The following INSIG1 variants were observed in gnomAD, a reference collection of about 807,000 sequenced individuals.
INSIG1 encodes insulin induced gene 1.
Under a neutral mutation model 26.5 loss-of-function variants are expected in INSIG1, and 14 were observed. The ratio of observed to expected loss-of-function variants is 0.53; its 90% CI spans 0.35 to 0.83. The LOEUF (loss-of-function observed/expected upper bound fraction) is 0.83, where lower values mean the gene tolerates loss of function less well. INSIG1 is among the 40% of genes least tolerant of loss of function. INSIG1 has a pLI of 0.01. For synonymous variants in INSIG1, 147 were observed against 153.3 expected, an observed-to-expected ratio of 0.96 and a Z score of 0.30; for missense variants, 272 against 368.9, an observed-to-expected ratio of 0.74 and a Z score of 2.15.
intron 1 of INSIG1, 44 bp from the exon 2 acceptor site, chr7:155,298,215 C>T (rs1394050889): frequency 1.7e-5 from 23 of 1,371,112 alleles, no homozygotes; most frequent in Admixed American, 1.1e-4. Context: ...GCCTTCCTCG[C>T]TCTTTGTCTC....
At chr7:155,306,343 A>C (rs552819032) in intron 5 of INSIG1, among the ~76,000 whole-genome samples, 4 of 152,244 alleles carry the variant, frequency 2.6e-5, no homozygotes, top group Admixed American at 2.6e-4. Context: ...ACCATCATTT[A>C]TAGAACTTGT....
At chr7:155,305,476 T>G (rs1183470335) in intron 5 of INSIG1, among the ~76,000 whole-genome samples, 1 of 152,156 alleles carries the variant, frequency 6.6e-6, no homozygotes, top group South Asian at 2.1e-4. Context: ...TTCCCCACAT[T>G]CCACTCTTGT....
In INSIG1 at chr7:155,308,457, A is replaced by T. The variant is rs1260178265; in HGVS notation, c.*187A>T. ...GGTGGAGAATGATGACTTACCCTGA[A>T]GTCTTCCCTTGACTGCCCGCACTGG... On this transcript the variant is annotated 3_prime_UTR_variant, in exon 6 of 6. Coordinates refer to ENST00000340368, the MANE Select transcript of INSIG1 (RefSeq NM_005542.6). 6 of 730,402 alleles carry T rather than the reference A, an allele frequency of 8.2e-6. No homozygotes were observed. Among genetic ancestry groups the T allele is most frequent in the Non-Finnish European group, 1.4e-5 (6 of 415,268 alleles). 45.2% of individuals were successfully genotyped at this position (730,402 alleles called of 1,614,324 possible).
chr7:155,308,494 G>T lies in INSIG1; in HGVS notation c.*224G>T. 1 of 602,780 alleles carries T rather than the reference G, an allele frequency of 1.7e-6. No homozygotes were observed. The highest frequency in any genetic ancestry group is 2.1e-5 in the South Asian group (1 of 48,742). 37.3% of individuals were successfully genotyped at this position (602,780 alleles called of 1,614,324 possible). On this transcript the variant is annotated 3_prime_UTR_variant, in exon 6 of 6. Transcript: ENST00000340368. Reference sequence around the variant, plus strand: ...ACTGCCCGCACTGGCGCCTGTCTGTGCCCTGGAGCATTCTGCCCAGGCTAC... The same window carrying T: ...ACTGCCCGCACTGGCGCCTGTCTGTTCCCTGGAGCATTCTGCCCAGGCTAC...
rs1182629652 is a variant in INSIG1 at position 155,298,659 on chromosome 7, C to T, written c.374C>T (p.Ser125Phe). The T allele has an allele frequency of 6.2e-7, 1 of 1,612,758 alleles. No individual in the cohort carries two copies. The highest frequency in any genetic ancestry group is 8.5e-7 in the Non-Finnish European group (1 of 1,179,950). ...GAGGTGATCGCCACCATCTTTTCCT[C>T]CGCCTGGTGGGTCCCTCCCTGCTGC... ...PEEVIATIFS[S>F]AWWVPPCCGT... Residue 125 changes from serine (S) to phenylalanine (F), a missense_variant, in exon 2 of 6, where the codon TCC becomes TTC. Physicochemically the swap from Ser to Phe is radical, Grantham distance 155. This residue lies in a region of INSIG1 where 161 missense variants were observed against 179.2 expected (regional missense o/e 0.90). Coordinates refer to ENST00000340368, the MANE Select transcript of INSIG1 (RefSeq NM_005542.6).
intron 5 of INSIG1, chr7:155,303,976 CTTTTT>C (rs11385167): frequency 0.035 from 9,222 of 261,184 alleles, 5 homozygotes; most frequent in South Asian, 0.052. Flanking sequence ...CTTTGCTTGC[CTTTTT>C]TTTTTTTTTT....
At position 155,298,612 on chromosome 7, in the gene INSIG1, G is replaced by A. The variant is rs769631428; in HGVS notation, c.327G>A (p.Arg109=). The change falls in exon 2 of 6, where the codon AGG becomes AGA. Residue 109 remains arginine, a synonymous_variant. Transcript: ENST00000340368. ...ALVLNLLQIQ[R]NVTLFPEEVI... Reference sequence around the variant, plus strand: ...TGCTCAACCTGCTGCAGATCCAGAGGAATGTCACTCTCTTCCCCGAGGAGG... The same window carrying A: ...TGCTCAACCTGCTGCAGATCCAGAGAAATGTCACTCTCTTCCCCGAGGAGG... 3 of 1,613,430 alleles carry A rather than the reference G, an allele frequency of 1.9e-6. No individual in the cohort carries two copies. Among genetic ancestry groups the A allele is most frequent in the Non-Finnish European group, 2.5e-6 (3 of 1,179,920 alleles).
rs1797701440 is a variant in INSIG1, at chr7:155,298,670, G to T, written c.385G>T (p.Val129Phe). Residue 129 changes from valine to phenylalanine, a missense_variant, in exon 2 of 6, where the codon GTC (valine) becomes TTC (phenylalanine). Val to Phe is a conservative substitution (Grantham distance 50). Coordinates refer to ENST00000340368, the MANE Select transcript of INSIG1 (RefSeq NM_005542.6). ...IATIFSSAWW[V>F]PPCCGTAAAV... ...CACCATCTTTTCCTCCGCCTGGTGG[G>T]TCCCTCCCTGCTGCGGGACAGCAGC... The T allele has an allele frequency of 1.9e-6, 3 of 1,611,938 alleles. No individual in the cohort carries two copies. Among genetic ancestry groups the T allele is most frequent in the African/African-American group, 1.3e-5 (1 of 74,954 alleles).
At chr7:155,303,664 G>A (rs948530714) in intron 5 of INSIG1, among the ~76,000 whole-genome samples, 1 of 151,876 alleles carries the variant, frequency 6.6e-6, no homozygotes, top group African/African-American at 2.4e-5. Flanking sequence ...ACATAGAGGT[G>A]GACTTTTAAA....
At position 155,308,614 on chromosome 7, in the gene INSIG1, A is replaced by G. The variant is rs888935054; in HGVS notation, c.*344A>G. On this transcript the variant is annotated 3_prime_UTR_variant, in exon 6 of 6. Coordinates refer to ENST00000340368, the MANE Select transcript of INSIG1 (RefSeq NM_005542.6). ...TTTCAAAGCCTTGAACTAAGACTCAATTACCAACCCGCAGTTTTGTGTCAG... is the reference window on the plus strand; with the variant it reads ...TTTCAAAGCCTTGAACTAAGACTCAGTTACCAACCCGCAGTTTTGTGTCAG... The G allele has an allele frequency of 1.2e-5, 3 of 259,080 alleles. No homozygotes were observed. Among genetic ancestry groups the G allele is most frequent in the East Asian group, 6.8e-5 (1 of 14,710 alleles). 16.0% of individuals were successfully genotyped at this position (259,080 alleles called of 1,614,324 possible).
intron 2 of INSIG1, among the ~76,000 whole-genome samples, chr7:155,300,848 CTCT>C (rs1417218495): frequency 8.5e-5 from 13 of 152,288 alleles, no homozygotes; most frequent in African/African-American, 2.6e-4. Flanking sequence ...GCTGAGTTTT[CTCT>C]TCTTGGTCTG....
rs2150897864 is a variant in INSIG1, at chr7:155,302,797, T to C, written c.755T>C (p.Phe252Ser). ...ATTCGTTCTTGGCTCCCTTGTATAT[T>C]TTTCTCAGGAGGCGTCACGGTGGGG... is the stretch of plus-strand genomic sequence containing the variant. ...LYIRSWLPCI[F>S]FSGGVTVGNI... is the part of the protein sequence containing the mutation. The change falls in exon 5 of 6, where the codon TTT (phenylalanine) becomes TCT (serine). Residue 252 changes from phenylalanine to serine, a missense_variant. By Grantham distance (155) the Phe-to-Ser change is radical. This residue lies in a region of INSIG1 where 111 missense variants were observed against 189.8 expected (regional missense o/e 0.58). Transcript: ENST00000340368. This position sits in a 1 kb window ranked among gnomAD's most constrained non-coding sequence, Gnocchi z 4.3. 2 of 1,613,122 alleles carry C rather than the reference T, an allele frequency of 1.2e-6. No individual in the cohort carries two copies. The highest frequency in any genetic ancestry group is 1.6e-4 in the Middle Eastern group (1 of 6,062).
At chr7:155,300,585 A>T (rs1585201861) in intron 2 of INSIG1, among the ~76,000 whole-genome samples, 1 of 151,728 alleles carries the variant, frequency 6.6e-6, no homozygotes, top group East Asian at 1.9e-4. Context: ...CCAGCATCCA[A>T]CCCCACGGGC....
At position 155,297,964 on chromosome 7, in the gene INSIG1, G is replaced by T; in HGVS notation, c.-28+5G>T. ...GGGCGGGCGCCTCTCGGCCAGGTAC[G>T]CGGCCGGCTGGGATAGGGGTCGCGG... On this transcript the variant is annotated splice_donor_5th_base_variant and intron_variant, in intron 1 of 5. Coordinates refer to ENST00000340368, the MANE Select transcript of INSIG1 (RefSeq NM_005542.6). 4.5e-6 allele frequency: 1 copy of T among 224,352 alleles called. No homozygotes were observed. The highest frequency in any genetic ancestry group is 8.7e-5 in the East Asian group (1 of 11,522). The allele number at this position is 224,352 out of a possible 1,614,324, so 13.9% of individuals were successfully genotyped here.
intron 5 of INSIG1, chr7:155,303,072 C>G: frequency 2.5e-6 from 1 of 404,224 alleles, no homozygotes; most frequent in Non-Finnish European, 4.6e-6. Context: ...CTAGAGCCCT[C>G]GCACTGCCCC....
At position 155,298,294 on chromosome 7, in the gene INSIG1, A is replaced by G. The variant is rs1797678688; in HGVS notation, c.9A>G (p.Arg3=). ...TTGGACGCGTGTGACCGATGCCCAG[A>G]TTGCACGACCACTTCTGGAGCTGCT... MP[R]LHDHFWSCSC... Residue 3 remains arginine, a synonymous_variant, in exon 2 of 6, where the codon AGA becomes AGG. Coordinates refer to ENST00000340368, the MANE Select transcript of INSIG1 (RefSeq NM_005542.6). 1 of 1,487,314 alleles carries G rather than the reference A, an allele frequency of 6.7e-7. No homozygotes were observed. Among genetic ancestry groups the G allele is most frequent in the African/African-American group, 1.5e-5 (1 of 67,700 alleles). The allele number at this position is 1,487,314 out of a possible 1,614,324, so 92.1% of individuals were successfully genotyped here.
intron 5 of INSIG1, among the ~76,000 whole-genome samples, chr7:155,305,295 C>T (rs1563032903): frequency 1.3e-5 from 2 of 152,172 alleles, no homozygotes; most frequent in Non-Finnish European, 2.9e-5. Context: ...ACCTCTGGAT[C>T]CCAACTGTTA....
intron 2 of INSIG1, 67 bp downstream of exon 2, chr7:155,298,764 C>T (rs753458387): frequency 7.0e-5 from 99 of 1,415,090 alleles, no homozygotes; most frequent in Middle Eastern, 1.8e-4. Context: ...TACTTTTCAG[C>T]CTATAAGAAA....
chr7:155,303,974 GC>G, intron 5 of INSIG1: 38 of 447,074 alleles, frequency 8.5e-5, no homozygotes, highest in East Asian at 4.2e-4. Flanking sequence ...GACTTTGCTT[GC>G]CTTTTTTTTT....
Sources: gnomAD v4.1 joint callset for allele counts (sites outside exome capture counted in the v4.1 genomes callset) on GRCh38, gnomAD v4.1.1 for gene constraint, gnomAD v4.1.1 regional missense constraint, Gnocchi (gnomAD v3.1) non-coding constraint, MANE v1.5 for transcripts, NCBI Gene and HGNC (gene_info 2026-07-23, HGNC 2026-07-21) for gene names.